Variants in TG observed in about 807,000 individuals in gnomAD.
TG encodes the protein thyroglobulin.
A neutral mutation model predicts 324.7 loss-of-function variants in TG; 270 were observed. That is an observed-to-expected ratio of 0.83 (90% CI 0.75 to 0.92). TG has a LOEUF of 0.92. Ranked by LOEUF, TG falls within the 40% of genes least tolerant of loss-of-function variation. The pLI is 0.00. For synonymous variants in TG, 1,401 were observed against 1,327.0 expected (o/e 1.06, Z -1.21); for missense variants, 3,591 against 3,456.4 (o/e 1.04, Z -0.98).
At chr8:132,978,695 G>C (rs1830465628) in intron 34 of TG, among the ~76,000 whole-genome samples, 2 of 152,138 alleles carry the variant, frequency 1.3e-5, no homozygotes, top group Admixed American at 1.3e-4. Context: ...AAGGGAAGTG[G>C]GGTGAAGGAG....
intron 5 of TG, among the ~76,000 whole-genome samples, chr8:132,877,843 A>ACT (rs1321627372): frequency 6.6e-6 from 1 of 151,954 alleles, no homozygotes; most frequent in Admixed American, 6.5e-5. Context: ...CTGAGCTTGA[A>ACT]CTCACTGGTG....
intron 41 of TG, among the ~76,000 whole-genome samples, chr8:133,074,524 G>T (rs911620470): frequency 6.6e-6 from 1 of 152,182 alleles, no homozygotes; most frequent in African/African-American, 2.4e-5. Context: ...CCTCAAGGTC[G>T]CACAGCTAGG....
chr8:132,971,609 T>G (rs1829530617), intron 32 of TG, among the ~76,000 whole-genome samples, 185 bp from the exon 33 acceptor site: 1 of 152,116 alleles, frequency 6.6e-6, no homozygotes, highest in Non-Finnish European at 1.5e-5. Context: ...TAGAATTTTG[T>G]TTTCAGAAAG....
intron 25 of TG, among the ~76,000 whole-genome samples, chr8:132,937,172 G>C (rs1186081746): frequency 6.6e-6 from 1 of 152,162 alleles, no homozygotes; most frequent in African/African-American, 2.4e-5. Flanking sequence ...CAGCCAAAGG[G>C]GGCTCGACCT....
intron 41 of TG, chr8:133,040,171 C>A: frequency 1.9e-6 from 3 of 1,560,306 alleles, no homozygotes; most frequent in African/African-American, 1.4e-5. Flanking sequence ...ACCCTGGGGA[C>A]GCCTCAGCCA....
chr8:133,045,647 G>A (rs530044287), intron 41 of TG, among the ~76,000 whole-genome samples: 1 of 151,906 alleles, frequency 6.6e-6, no homozygotes, highest in African/African-American at 2.4e-5. Context: ...CGCCCACCTC[G>A]GCCTCCCAAA....
At chr8:133,007,002 T>A (rs1834068702) in intron 35 of TG, among the ~76,000 whole-genome samples, 1 of 152,214 alleles carries the variant, frequency 6.6e-6, no homozygotes, top group African/African-American at 2.4e-5. Context: ...TATGTTAATT[T>A]TTTTTTAGTA....
chr8:133,045,055 G>A, intron 41 of TG: 2 of 1,614,142 alleles, frequency 1.2e-6, no homozygotes, highest in Non-Finnish European at 1.7e-6. Flanking sequence ...CCAGTTGTTG[G>A]GCAGACGGAA....
chr8:132,920,683 G>T (rs1434355254), intron 21 of TG, among the ~76,000 whole-genome samples: 1 of 152,200 alleles, frequency 6.6e-6, no homozygotes, highest in Non-Finnish European at 1.5e-5. Context: ...TTATGGAGGG[G>T]ATATGACAGA....
chr8:132,963,243 C>T (rs1470890904), intron 29 of TG, among the ~76,000 whole-genome samples, 169 bp downstream of exon 29: 1 of 152,174 alleles, frequency 6.6e-6, no homozygotes, highest in Non-Finnish European at 1.5e-5. Flanking sequence ...ATATGGGAAG[C>T]TCCTCAGATG....
In TG at chr8:132,893,911, C is replaced by T. The variant is rs114091109; in HGVS notation, c.2983C>T (p.Arg995Cys). The T allele has an allele frequency of 8.1e-5, 130 of 1,614,038 alleles. 1 individual carries two copies. The African/African-American group carries it at 1.5e-3, about 19-fold the overall frequency. ...TCTGCGTGGGAGTGATTACGCCATT[C>T]GCCTGGCGGCTCAGTCTAGTGAGTG... is the stretch of plus-strand genomic sequence containing the variant. Reference protein sequence around the residue: ...QFLRGSDYAIRLAAQSTLSFY... With the variant: ...QFLRGSDYAICLAAQSTLSFY... The change falls in exon 11 of 48, where the codon CGC becomes TGC. Residue 995 changes from arginine to cysteine, a missense_variant. Arg to Cys is a radical substitution (Grantham distance 180). Coordinates refer to ENST00000220616, the MANE Select transcript of TG (RefSeq NM_003235.5).
In TG at chr8:132,887,991, G is replaced by A. The variant is rs745749489; in HGVS notation, c.2184G>A (p.Thr728=). 8.7e-5 allele frequency: 140 copies of A among 1,613,268 alleles called. No homozygotes were observed. The highest frequency in any genetic ancestry group is 1.1e-4 in the Non-Finnish European group (128 of 1,179,760). The change falls in exon 10 of 48, where the codon ACG becomes ACA. Residue 728 remains threonine, a synonymous_variant. Transcript: ENST00000220616. ...CTCATTGTTCCTCCCCAGGCCCCAC[G>A]CCCTGTCAATTACAGTCTGAGCAAG... ...SAIGKPKKCP[T]PCQLQSEQAF...
Position 133,086,752 on chromosome 8 carries a change from T to G in TG, c.7240-8292T>G, listed in dbSNP as rs1588048537. 2.0e-5 allele frequency among the ~76,000 whole-genome samples: 3 copies of G among 152,188 alleles called. No homozygotes were observed. In the East Asian group the frequency reaches 5.8e-4, roughly 29 times the overall value. ...GTTACAGGAAAACTTTCTCATTTCT[T>G]TATTACAACAATCCTATGGGGAAGC... is the stretch of plus-strand genomic sequence containing the variant. On this transcript the variant is annotated intron_variant, in intron 41 of 47. Coordinates refer to ENST00000220616, the MANE Select transcript of TG (RefSeq NM_003235.5).
intron 35 of TG, chr8:132,995,092 G>A (rs1251617196): frequency 2.1e-6 from 2 of 967,734 alleles, no homozygotes; most frequent in Admixed American, 8.1e-5. Context: ...GGCAAAAGCA[G>A]AAGCTGGGAA....
chr8:133,105,962 T>G (rs1352956353), intron 43 of TG, among the ~76,000 whole-genome samples: 1 of 152,096 alleles, frequency 6.6e-6, no homozygotes. Context: ...ATAGGACAGT[T>G]GGAGCCCACC....
At chr8:132,966,830 T>C (rs1444361052) in intron 30 of TG, 133 bp downstream of exon 30, 4 of 1,100,098 alleles carry the variant, frequency 3.6e-6, no homozygotes, top group South Asian at 1.3e-5. Flanking sequence ...GTGGATGATA[T>C]AAAAGAAAGA....
At chr8:133,069,222 C>T (rs576930740) in intron 41 of TG, among the ~76,000 whole-genome samples, 1 of 152,352 alleles carries the variant, frequency 6.6e-6, no homozygotes, top group East Asian at 1.9e-4. Flanking sequence ...TTTATTGCAT[C>T]GTATTTCCCA....
chr8:133,120,443 A>G (rs1360695700), intron 45 of TG, among the ~76,000 whole-genome samples: 1 of 152,204 alleles, frequency 6.6e-6, no homozygotes, highest in Non-Finnish European at 1.5e-5. Context: ...AGCAATAGAA[A>G]TGTATTGTCT....
At chr8:132,921,110 C>T (rs187014295) in intron 21 of TG, among the ~76,000 whole-genome samples, 2 of 152,310 alleles carry the variant, frequency 1.3e-5, no homozygotes, top group Non-Finnish European at 2.9e-5. Flanking sequence ...TTAACAACAT[C>T]GTGGGGGCTG....
Sources: allele counts gnomAD v4.1 joint callset (sites outside exome capture counted in the v4.1 genomes callset), GRCh38; gene constraint gnomAD v4.1.1; transcripts MANE v1.5; gene names NCBI Gene and HGNC (gene_info 2026-07-23, HGNC 2026-07-21).